Variants in GABRG3 observed in about 807,000 individuals in gnomAD.
The protein encoded by GABRG3 is gamma-aminobutyric acid receptor subunit gamma-3.
A neutral mutation model predicts 48.8 loss-of-function variants in GABRG3; 25 were observed. The observed-to-expected ratio is 0.51, with a 90% CI of 0.37 to 0.72. The LOEUF is 0.72. Among genes scored for constraint, GABRG3 ranks in the 30% least tolerant of loss-of-function variants. GABRG3 has a pLI of 0.00. For synonymous variants in GABRG3, 227 were observed against 217.6 expected (o/e 1.04, Z -0.38); for missense variants, 394 against 577.9 (o/e 0.68, Z 3.26).
intron 3 of GABRG3, among the ~76,000 whole-genome samples, chr15:27,034,530 A>G (rs1362542028): frequency 6.6e-6 from 1 of 152,368 alleles, no homozygotes; most frequent in African/African-American, 2.4e-5. Flanking sequence ...GTTAGTAAGT[A>G]AAACAATAGA....
chr15:27,457,418 C>A lies in GABRG3; in HGVS notation c.575-23232C>A, dbSNP rs558230241. ...TCCAAAGGCTACCTGTTCCTTTTTT[C>A]TTTCATCCTTCTCTATCTTTGTTCA... On this transcript the variant is annotated intron_variant, in intron 5 of 9. Coordinates refer to ENST00000615808, the MANE Select transcript of GABRG3 (RefSeq NM_033223.5). This position sits in a 1 kb window ranked among gnomAD's most constrained non-coding sequence, Gnocchi z 4.4. Among the ~76,000 whole-genome samples, 246 of 152,174 alleles carry A rather than the reference C, an allele frequency of 1.6e-3. 2 individuals are homozygous for A. The highest frequency in any genetic ancestry group is 2.9e-3 in the Non-Finnish European group (194 of 67,966).
intron 3 of GABRG3, among the ~76,000 whole-genome samples, chr15:27,054,699 C>T (rs1288508119): frequency 2.6e-5 from 4 of 152,268 alleles, no homozygotes; most frequent in Non-Finnish European, 5.9e-5. Flanking sequence ...ATGCCAGGGA[C>T]GGTGCTTCAA....
intron 7 of GABRG3, among the ~76,000 whole-genome samples, chr15:27,522,151 A>C (rs1215721268): frequency 1.1e-4 from 16 of 152,012 alleles, no homozygotes; most frequent in Non-Finnish European, 4.4e-5. Context: ...ATGAGCAAAA[A>C]TATGACTGAC....
chr15:27,356,604 T>C (rs1478098348), intron 5 of GABRG3, among the ~76,000 whole-genome samples: 2 of 152,138 alleles, frequency 1.3e-5, no homozygotes, highest in African/African-American at 2.4e-5. Flanking sequence ...TTAGATTTAA[T>C]CCTATAAGTC....
chr15:27,310,589 T>A (rs1324394465), intron 3 of GABRG3, among the ~76,000 whole-genome samples: 1 of 152,182 alleles, frequency 6.6e-6, no homozygotes. Context: ...CTTATCAGAA[T>A]TTCAATGGTT....
chr15:27,068,200 A>G (rs765512687), intron 3 of GABRG3, among the ~76,000 whole-genome samples: 2 of 152,206 alleles, frequency 1.3e-5, no homozygotes, highest in Non-Finnish European at 2.9e-5. Flanking sequence ...CCACTGAAAC[A>G]TCACCCGAGG....
chr15:27,030,947 CT>C (rs1896074281), intron 3 of GABRG3, among the ~76,000 whole-genome samples: 1 of 152,040 alleles, frequency 6.6e-6, no homozygotes, highest in African/African-American at 2.4e-5. Context: ...GTTAGGATTA[CT>C]TTTCTGTGTT....
intron 3 of GABRG3, among the ~76,000 whole-genome samples, chr15:27,255,957 G>C (rs1180650200): frequency 6.6e-6 from 1 of 152,180 alleles, no homozygotes; most frequent in African/African-American, 2.4e-5. Flanking sequence ...CTCCACCAAA[G>C]ATGTTCACTT....
At chr15:27,293,400 G>A (rs1891859271) in intron 3 of GABRG3, among the ~76,000 whole-genome samples, 1 of 152,232 alleles carries the variant, frequency 6.6e-6, no homozygotes, top group Non-Finnish European at 1.5e-5. Flanking sequence ...TAAGAATTGA[G>A]AGCTGGGGCC....
chr15:27,407,395 A>G (rs1288067835), intron 5 of GABRG3, among the ~76,000 whole-genome samples: 1 of 152,202 alleles, frequency 6.6e-6, no homozygotes, highest in Non-Finnish European at 1.5e-5. Context: ...CTTTGGAGAC[A>G]GTTTGGCAGC....
chr15:27,050,065 T>C (rs1175589426), intron 3 of GABRG3, among the ~76,000 whole-genome samples: 2 of 152,184 alleles, frequency 1.3e-5, no homozygotes, highest in African/African-American at 4.8e-5. Flanking sequence ...CACACAGCTT[T>C]TTGGTAGAGG....
At chr15:27,508,536 C>G (rs1890815316) in intron 6 of GABRG3, among the ~76,000 whole-genome samples, 1 of 152,114 alleles carries the variant, frequency 6.6e-6, no homozygotes, top group African/African-American at 2.4e-5. Context: ...ATTATCAAAG[C>G]ATAAATACAC....
At chr15:27,432,797 G>A (rs1465916059) in intron 5 of GABRG3, among the ~76,000 whole-genome samples, 1 of 152,156 alleles carries the variant, frequency 6.6e-6, no homozygotes, top group Non-Finnish European at 1.5e-5. Flanking sequence ...AAACCAGGTT[G>A]CTCCTTCAAC....
At chr15:27,112,442 A>ATTTT (rs200203617) in intron 3 of GABRG3, among the ~76,000 whole-genome samples, 6 of 137,644 alleles carry the variant, frequency 4.4e-5, no homozygotes, top group Non-Finnish European at 3.1e-5. Context: ...TATTTCATTG[A>ATTTT]TTTTTTTTTT....
chr15:27,089,647 C>T (rs979275732), intron 3 of GABRG3, among the ~76,000 whole-genome samples: 6 of 152,284 alleles, frequency 3.9e-5, no homozygotes, highest in East Asian at 1.9e-4. Flanking sequence ...TGGAGACCCC[C>T]GAGCACAGGG....
chr15:27,216,670 T>C (rs1390397840), intron 3 of GABRG3, among the ~76,000 whole-genome samples: 1 of 152,160 alleles, frequency 6.6e-6, no homozygotes, highest in East Asian at 1.9e-4. Flanking sequence ...GAATGCCTTT[T>C]CTGTTTCTAC....
At chr15:27,113,355 C>T (rs923597291) in intron 3 of GABRG3, among the ~76,000 whole-genome samples, 9 of 152,140 alleles carry the variant, frequency 5.9e-5, no homozygotes, top group African/African-American at 1.9e-4. Context: ...TAGTGACCCC[C>T]TTTCTGGTCT....
intron 2 of GABRG3, among the ~76,000 whole-genome samples, chr15:26,983,244 T>A (rs1418933314): frequency 4.0e-5 from 6 of 151,890 alleles, no homozygotes; most frequent in African/African-American, 1.5e-4. Flanking sequence ...TATATGTACA[T>A]AATGTGCTGT....
chr15:27,025,101 C>T (rs73367728), intron 2 of GABRG3, among the ~76,000 whole-genome samples: 4,455 of 149,928 alleles, frequency 0.03, 210 homozygotes, highest in African/African-American at 0.1. Context: ...TGTGTGTGTG[C>T]GCACACTTAT....
Sources: gnomAD v4.1 joint callset for allele counts (sites outside exome capture counted in the v4.1 genomes callset) on GRCh38, gnomAD v4.1.1 for gene constraint, Gnocchi (gnomAD v3.1) non-coding constraint, MANE v1.5 for transcripts, NCBI Gene and HGNC (gene_info 2026-07-23, HGNC 2026-07-21) for gene names.